STAMBP: variants seen among roughly 807,000 people sequenced by gnomAD.
STAMBP encodes the protein STAM binding protein, also known as STAM-binding protein.
In STAMBP, 31 loss-of-function variants were observed where a neutral mutation model predicts 50.7. The ratio of observed to expected loss-of-function variants is 0.61; its 90% CI spans 0.46 to 0.83. The LOEUF is 0.83. Ranked by LOEUF, STAMBP falls within the 40% of genes least tolerant of loss-of-function variation. The pLI is 0.00. For synonymous variants in STAMBP, 211 were observed against 192.4 expected, an observed-to-expected ratio of 1.10 and a Z score of -0.80; for missense variants, 472 against 518.9, an observed-to-expected ratio of 0.91 and a Z score of 0.88.
At chr2:73,844,790 A>T in intron 2 of STAMBP, 23 bp from the exon 3 acceptor site, 1 of 1,600,930 alleles carries the variant, frequency 6.2e-7, no homozygotes, top group Non-Finnish European at 8.6e-7. Flanking sequence ...TTGCTTCATA[A>T]TCATTTTGAA....
intron 2 of STAMBP, among the ~76,000 whole-genome samples, chr2:73,831,390 A>G (rs1013558064): frequency 6.6e-6 from 1 of 152,242 alleles, no homozygotes; most frequent in African/African-American, 2.4e-5. Context: ...AGCCAATCAT[A>G]GGATTATTGT....
intron 2 of STAMBP, among the ~76,000 whole-genome samples, chr2:73,837,175 A>C (rs1339274390): frequency 1.3e-5 from 2 of 152,368 alleles, no homozygotes; most frequent in Non-Finnish European, 1.5e-5. Flanking sequence ...AGATATTTTC[A>C]TATTGCATTA....
chr2:73,861,191 A>G (rs1678281601), intron 9 of STAMBP, among the ~76,000 whole-genome samples: 1 of 152,232 alleles, frequency 6.6e-6, no homozygotes, highest in Non-Finnish European at 1.5e-5. Flanking sequence ...TCACCATGTG[A>G]CAGTAGGTAT....
At position 73,830,896 on chromosome 2, in the gene STAMBP, C is replaced by A. The variant is rs754609431; in HGVS notation, c.40C>A (p.Arg14=). 6.2e-7 allele frequency: 1 copy of A among 1,613,812 alleles called. No homozygotes were observed. Among genetic ancestry groups the A allele is most frequent in the South Asian group, 1.1e-5 (1 of 91,064 alleles). Residue 14 remains arginine (R), a synonymous_variant, in exon 2 of 10, where the codon CGG becomes AGG. Transcript: ENST00000394070. ...HGDVSLPPED[R]VRALSQLGSA... is the part of the protein sequence containing the mutation. ...AGATGTGAGCCTCCCGCCCGAAGAC[C>A]GGGTGAGGGCTCTCTCCCAGCTGGG...
In STAMBP at chr2:73,830,927, C is replaced by T. The variant is rs1479389015; in HGVS notation, c.71C>T (p.Ala24Val). ...AGGGCTCTCTCCCAGCTGGGTAGTG[C>T]GGTAGAGGTGAATGAAGACATTCCA... ...RVRALSQLGS[A>V]VEVNEDIPPR... The change falls in exon 2 of 10, where the codon GCG (alanine) becomes GTG (valine). Residue 24 changes from alanine to valine, a missense_variant. Ala to Val is a moderately conservative substitution (Grantham distance 64). Coordinates refer to ENST00000394070, the MANE Select transcript of STAMBP (RefSeq NM_213622.4). 2.4e-5 allele frequency: 38 copies of T among 1,614,048 alleles called. No homozygotes were observed. Among genetic ancestry groups the T allele is most frequent in the Admixed American group, 3.3e-5 (2 of 60,018 alleles).
chr2:73,836,054 G>A (rs944571713), intron 2 of STAMBP, among the ~76,000 whole-genome samples: 1 of 151,928 alleles, frequency 6.6e-6, no homozygotes, highest in Non-Finnish European at 1.5e-5. Flanking sequence ...AAGCAGTGGT[G>A]CGCTGTTTTT....
intron 2 of STAMBP, among the ~76,000 whole-genome samples, chr2:73,843,434 A>ATATATATATATAT (rs1675689565): frequency 6.8e-6 from 1 of 146,860 alleles, no homozygotes; most frequent in African/African-American, 2.5e-5. Context: ...ATATATATAT[A>ATATATATATATAT]AATTAAAAAA....
chr2:73,869,428 T>C (rs556027122), downstream of STAMBP, among the ~76,000 whole-genome samples: 44 of 152,160 alleles, frequency 2.9e-4, no homozygotes, highest in Non-Finnish European at 5.1e-4. Context: ...AGAAAGACAA[T>C]GTTTTAATTT....
downstream of STAMBP, chr2:73,870,248 G>A (rs1024946972): frequency 6.6e-6 from 1 of 152,214 alleles, no homozygotes; most frequent in South Asian, 2.1e-4. Flanking sequence ...TAGCAGCAGA[G>A]GCATGTCATA....
rs574869034 is a variant in STAMBP, at chr2:73,830,387, C to T, written c.-12-458C>T. Among the ~76,000 whole-genome samples the T allele has an allele frequency of 3.9e-5, 6 of 152,372 alleles. No individual in the cohort carries two copies. The South Asian group carries it at 1.2e-3, about 32-fold the overall frequency. On this transcript the variant is annotated intron_variant, in intron 1 of 9. Transcript: ENST00000394070. ...TCTCAGATTAAGTAAAAATGGTCAACCTTGAAGTTAGTTAACAATCCTCAA... is the reference window on the plus strand; with the variant it reads ...TCTCAGATTAAGTAAAAATGGTCAATCTTGAAGTTAGTTAACAATCCTCAA...
At chr2:73,842,067 T>C (rs1573296597) in intron 2 of STAMBP, among the ~76,000 whole-genome samples, 2 of 152,328 alleles carry the variant, frequency 1.3e-5, no homozygotes, top group East Asian at 3.9e-4. Context: ...ACACCTACTC[T>C]TATCTGTTCT....
chr2:73,872,907 T>C (rs17009436), intron 10 of STAMBP, among the ~76,000 whole-genome samples: 14,241 of 152,254 alleles, frequency 0.094, 1,090 homozygotes, highest in East Asian at 0.3. Context: ...CCGTGATTAC[T>C]TACATTCCTA....
At chr2:73,849,266 G>A (rs1379898854) in intron 5 of STAMBP, 97 bp from the exon 6 acceptor site, 1 of 1,583,336 alleles carries the variant, frequency 6.3e-7, no homozygotes, top group Non-Finnish European at 8.6e-7. Flanking sequence ...GGGAATCCCA[G>A]TGGCTTAATG....
intron 9 of STAMBP, 141 bp from the exon 10 acceptor site, chr2:73,862,062 A>T: frequency 2.1e-6 from 1 of 481,478 alleles, no homozygotes; most frequent in Non-Finnish European, 3.5e-6. Context: ...GCTTGAACCC[A>T]GGAGGCGGGG....
chr2:73,831,089 TCTGGTGACTGGTGC>T, intron 2 of STAMBP, 30 bp downstream of exon 2: 1 of 1,581,702 alleles, frequency 6.3e-7, no homozygotes, highest in Non-Finnish European at 8.7e-7. Flanking sequence ...CTTTTTCCTT[TCTGGTGACTGGTGC>T]CTCGCCTATT....
chr2:73,844,665 A>C, intron 2 of STAMBP, 148 bp from the exon 3 acceptor site: 1 of 568,088 alleles, frequency 1.8e-6, no homozygotes, highest in Non-Finnish European at 3.1e-6. Context: ...GGAAAGGAGC[A>C]TGGCCCAGCT....
chr2:73,841,977 G>A (rs1355961172), intron 2 of STAMBP, among the ~76,000 whole-genome samples: 1 of 151,862 alleles, frequency 6.6e-6, no homozygotes, highest in Non-Finnish European at 1.5e-5. Flanking sequence ...TTTTGTTTTT[G>A]TTTTTTTACT....
Position 73,855,395 on chromosome 2 carries a change from AG to A in STAMBP, c.1006-3857del, listed in dbSNP as rs1185890009. 1.2e-4 allele frequency among the ~76,000 whole-genome samples: 19 copies of A among 152,362 alleles called. No individual in the cohort carries two copies. In the East Asian group the frequency reaches 3.1e-3, roughly 25 times the overall value. ...TTCAAGAAACTTGACTGTGAAAGGA[AG>A]GAGGGAGAGAAGGTACAGTAGTTAG... is the stretch of plus-strand genomic sequence containing the variant. On this transcript the variant is annotated intron_variant, in intron 7 of 9. Coordinates refer to ENST00000394070, the MANE Select transcript of STAMBP (RefSeq NM_213622.4).
intron 9 of STAMBP, among the ~76,000 whole-genome samples, chr2:73,861,616 T>TCAAA (rs1157427317): frequency 6.6e-6 from 1 of 151,872 alleles, no homozygotes; most frequent in East Asian, 1.9e-4. Flanking sequence ...CCCCCCAGGT[T>TCAAA]CAAACAATTC....
Sources: gnomAD v4.1 joint callset for allele counts (sites outside exome capture counted in the v4.1 genomes callset) on GRCh38, gnomAD v4.1.1 for gene constraint, MANE v1.5 for transcripts, NCBI Gene and HGNC (gene_info 2026-07-23, HGNC 2026-07-21) for gene names.